The following ADAM2 variants were observed in gnomAD, a reference collection of about 807,000 sequenced individuals.
ADAM2 encodes disintegrin and metalloproteinase domain-containing protein 2.
In ADAM2, 101 loss-of-function variants were observed where a neutral mutation model predicts 99.3. That is an observed-to-expected ratio of 1.02 (90% CI 0.87 to 1.20). ADAM2 has a LOEUF of 1.20. Ranked by LOEUF, ADAM2 falls within the 50% of genes most tolerant of loss-of-function variation. The pLI, the probability that ADAM2 is intolerant of heterozygous loss-of-function variation, is 0.00. For synonymous variants in ADAM2, 323 were observed against 287.6 expected (o/e 1.12, Z -1.25); for missense variants, 948 against 878.7 (o/e 1.08, Z -1.00).
At chr8:39,821,278 G>GA in intron 5 of ADAM2, 108 bp from the exon 6 acceptor site, 1 of 793,220 alleles carries the variant, frequency 1.3e-6, no homozygotes, top group Non-Finnish European at 1.9e-6. Context: ...TTTTTAGCCT[G>GA]AATCTAAGGT....
At chr8:39,807,093 C>A (rs1804471412) in intron 7 of ADAM2, among the ~76,000 whole-genome samples, 1 of 152,186 alleles carries the variant, frequency 6.6e-6, no homozygotes, top group South Asian at 2.1e-4. Flanking sequence ...GCGACCCCAC[C>A]CATGGAAGTG....
chr8:39,746,367 G>A, intron 19 of ADAM2, 105 bp downstream of exon 19: 1 of 804,266 alleles, frequency 1.2e-6, no homozygotes, highest in Non-Finnish European at 1.9e-6. Context: ...CCCATATAAA[G>A]ACAATAATTG....
Position 39,788,251 on chromosome 8 carries a change from T to G in ADAM2, c.643A>C (p.Ile215Leu), listed in dbSNP as rs764909682. 33 of 1,494,166 alleles carry G rather than the reference T, an allele frequency of 2.2e-5. 1 individual carries two copies. The Admixed American group carries it at 3.7e-4, about 17-fold the overall frequency. 92.6% of individuals were successfully genotyped at this position (1,494,166 alleles called of 1,614,324 possible). ...VFQLIGLTNAIFVSFNITIIL... is the reference protein window; with the variant it reads ...VFQLIGLTNALFVSFNITIIL... ...ATTGTAATATTAAATGAAACAAAAA[T>G]CTAAAATAGAAAACATACAAAAGTG... The change falls in exon 9 of 21, where the codon ATT becomes CTT. Residue 215 changes from isoleucine to leucine, a missense_variant and splice_region_variant. By Grantham distance (5) the Ile-to-Leu change is conservative. Transcript: ENST00000265708.
At chr8:39,798,158 T>A (rs1563364956) in intron 7 of ADAM2, among the ~76,000 whole-genome samples, 1 of 152,236 alleles carries the variant, frequency 6.6e-6, no homozygotes, top group Non-Finnish European at 1.5e-5. Context: ...CCATTCAGTA[T>A]GATATTGGCT....
intron 14 of ADAM2, 96 bp downstream of exon 14, chr8:39,766,752 G>T: frequency 2.2e-6 from 2 of 926,802 alleles, no homozygotes; most frequent in Non-Finnish European, 3.2e-6. Flanking sequence ...TAAACTAAAT[G>T]TGACATTTTA....
intron 7 of ADAM2, among the ~76,000 whole-genome samples, chr8:39,799,006 T>C (rs1586120463): frequency 7.0e-5 from 1 of 14,208 alleles, no homozygotes; most frequent in Non-Finnish European, 1.1e-4. Context: ...GATTCATTGA[T>C]TTTTTTGGAG....
At position 39,749,300 on chromosome 8, in the gene ADAM2, A is replaced by T. The variant is rs757566891; in HGVS notation, c.2014+12T>A. The T allele has an allele frequency of 3.1e-6, 5 of 1,592,610 alleles. No individual in the cohort carries two copies. The highest frequency in any genetic ancestry group is 1.7e-4 in the Middle Eastern group (1 of 5,976). Reference sequence around the variant, plus strand: ...TGTTTTAATTATTTTCTGATTTATTATTAATACTTACCAGGGAGTCTGGCT... The same window carrying T: ...TGTTTTAATTATTTTCTGATTTATTTTTAATACTTACCAGGGAGTCTGGCT... On this transcript the variant is annotated intron_variant, in intron 18 of 20. Transcript: ENST00000265708.
At position 39,746,978 on chromosome 8, in the gene ADAM2, C is replaced by T. The variant is rs566539663; in HGVS notation, c.2015-347G>A. Among the ~76,000 whole-genome samples, 9 of 152,242 alleles carry T rather than the reference C, an allele frequency of 5.9e-5. No individual in the cohort carries two copies. In the East Asian group the frequency reaches 1.4e-3, roughly 23 times the overall value. On this transcript the variant is annotated intron_variant, in intron 18 of 20. Transcript: ENST00000265708. ...TCATACAATGAGTTGACAGGAACTT[C>T]CCCACCACTGTTTTCTGAAAATAAT...
chr8:39,818,786 G>A (rs1160997693), intron 6 of ADAM2, among the ~76,000 whole-genome samples: 2 of 151,898 alleles, frequency 1.3e-5, no homozygotes, highest in African/African-American at 2.4e-5. Flanking sequence ...AATCCAAACT[G>A]ATATAAAATT....
At chr8:39,777,836 A>G (rs1803057360) in intron 10 of ADAM2, among the ~76,000 whole-genome samples, 2 of 151,672 alleles carry the variant, frequency 1.3e-5, no homozygotes, top group South Asian at 4.1e-4. Flanking sequence ...AAAAATTAAA[A>G]TTAAAAAAAT....
At position 39,821,791 on chromosome 8, in the gene ADAM2, A is replaced by G. The variant is rs1248921809; in HGVS notation, c.268-129T>C. ...CTCATGTTTCAAAAATGGATTTATA[A>G]TGTTATTAGATGAGCATATGGCTTG... On this transcript the variant is annotated intron_variant, in intron 4 of 20. Coordinates refer to ENST00000265708, the MANE Select transcript of ADAM2 (RefSeq NM_001464.5). 6.4e-6 allele frequency: 4 copies of G among 625,244 alleles called. No individual in the cohort carries two copies. The South Asian group carries it at 9.2e-5, about 14-fold the overall frequency. 38.7% of individuals were successfully genotyped at this position (625,244 alleles called of 1,614,324 possible). A position where few individuals can be genotyped will look rare whatever the true frequency, so the allele number is the denominator to read the frequency against.
intron 11 of ADAM2, among the ~76,000 whole-genome samples, chr8:39,772,496 G>A (rs898663123): frequency 1.3e-5 from 2 of 152,024 alleles, no homozygotes; most frequent in African/African-American, 4.8e-5. Flanking sequence ...GGGAATGGAA[G>A]CCACTGTGTA....
chr8:39,801,632 T>A (rs1348417556), intron 7 of ADAM2, among the ~76,000 whole-genome samples: 1 of 152,114 alleles, frequency 6.6e-6, no homozygotes, highest in Non-Finnish European at 1.5e-5. Flanking sequence ...CTAATTCTGC[T>A]GGTCCACAGA....
At position 39,788,206 on chromosome 8, in the gene ADAM2, G is replaced by C. The variant is rs529358916; in HGVS notation, c.688C>G (p.Leu230Val). The C allele has an allele frequency of 6.4e-7, 1 of 1,569,404 alleles. No individual in the cohort carries two copies. Among genetic ancestry groups the C allele is most frequent in the Non-Finnish European group, 8.7e-7 (1 of 1,151,238 alleles). The stretch of plus-strand genomic sequence containing the variant: ...GCAATTTTATTTTCATCTATCCAAA[G>C]CTCCAATGAAGACAGAATAATTGTA... ...NITIILSSLE[L>V]WIDENKIATT... Residue 230 changes from leucine to valine, a missense_variant, in exon 9 of 21, where the codon CTT becomes GTT. Physicochemically the swap from Leu to Val is conservative, Grantham distance 32. Transcript: ENST00000265708.
At chr8:39,783,377 T>C (rs1037390675) in intron 10 of ADAM2, among the ~76,000 whole-genome samples, 2 of 152,176 alleles carry the variant, frequency 1.3e-5, no homozygotes, top group African/African-American at 4.8e-5. Context: ...AATATGATTA[T>C]GGACCTCTTT....
chr8:39,786,096 A>G (rs1464919490), intron 10 of ADAM2, among the ~76,000 whole-genome samples: 1 of 152,260 alleles, frequency 6.6e-6, no homozygotes, highest in East Asian at 1.9e-4. Flanking sequence ...TATAAGTGGG[A>G]GCTAAACATT....
Position 39,765,148 on chromosome 8 carries a change from G to C in ADAM2, c.1507+1700C>G, listed in dbSNP as rs546345694. ...CCTTACTCTATGATGTTTAGGTCCTGAACAAGCAGGAAGTGAAAGCTAAGG... is the reference window on the plus strand; with the variant it reads ...CCTTACTCTATGATGTTTAGGTCCTCAACAAGCAGGAAGTGAAAGCTAAGG... On this transcript the variant is annotated intron_variant, in intron 14 of 20. Coordinates refer to ENST00000265708, the MANE Select transcript of ADAM2 (RefSeq NM_001464.5). Among the ~76,000 whole-genome samples, 147 of 152,266 alleles carry C rather than the reference G, an allele frequency of 9.7e-4. 1 individual carries two copies. The highest frequency in any genetic ancestry group is 3.4e-3 in the African/African-American group (143 of 41,552).
intron 15 of ADAM2, among the ~76,000 whole-genome samples, chr8:39,758,152 A>G (rs973759264): frequency 2.6e-5 from 4 of 152,202 alleles, no homozygotes; most frequent in Non-Finnish European, 5.9e-5. Flanking sequence ...ATTTACATGA[A>G]TGAATATGTG....
At chr8:39,751,867 C>G (rs1402090288) in intron 16 of ADAM2, among the ~76,000 whole-genome samples, 3 of 151,694 alleles carry the variant, frequency 2.0e-5, no homozygotes, top group Non-Finnish European at 2.9e-5. Flanking sequence ...GGGTCTCACT[C>G]TGTTGCCCAG....
Sources: allele counts gnomAD v4.1 joint callset (sites outside exome capture counted in the v4.1 genomes callset), GRCh38; gene constraint gnomAD v4.1.1; transcripts MANE v1.5; gene names NCBI Gene and HGNC (gene_info 2026-07-23, HGNC 2026-07-21).